Variants in CNTNAP2 observed in about 807,000 individuals in gnomAD.
CNTNAP2 encodes contactin-associated protein-like 2.
In CNTNAP2, 98 loss-of-function variants were observed where a neutral mutation model predicts 155.2. The observed-to-expected ratio is 0.63, with a 90% CI of 0.54 to 0.75. The LOEUF is 0.75. Ranked by LOEUF, CNTNAP2 falls within the 30% of genes least tolerant of loss-of-function variation. CNTNAP2 has a pLI of 0.00. For synonymous variants in CNTNAP2, 651 were observed against 631.2 expected, an observed-to-expected ratio of 1.03 and a Z score of -0.47; for missense variants, 1,727 against 1,688.1, an observed-to-expected ratio of 1.02 and a Z score of -0.40.
At chr7:148,312,490 A>G (rs537689199) in intron 21 of CNTNAP2, among the ~76,000 whole-genome samples, 4 of 152,262 alleles carry the variant, frequency 2.6e-5, no homozygotes, top group African/African-American at 9.6e-5. Context: ...AAGCAAAGAG[A>G]GGCTGGGATG....
At chr7:146,442,363 G>A (rs1386233746) in intron 1 of CNTNAP2, among the ~76,000 whole-genome samples, 1 of 147,314 alleles carries the variant, frequency 6.8e-6, no homozygotes, top group East Asian at 1.9e-4. Flanking sequence ...AATTCTAAAT[G>A]TTATGTGTGT....
chr7:147,777,468 G>A (rs370289148), intron 13 of CNTNAP2, among the ~76,000 whole-genome samples: 1 of 152,142 alleles, frequency 6.6e-6, no homozygotes. Context: ...GAACGGCCCT[G>A]AAGAGAGCAA....
At chr7:146,823,760 CTAA>C (rs1461112082) in intron 2 of CNTNAP2, among the ~76,000 whole-genome samples, 1 of 151,480 alleles carries the variant, frequency 6.6e-6, no homozygotes, top group Non-Finnish European at 1.5e-5. Flanking sequence ...AATTAGGTTT[CTAA>C]TAATAATTTC....
At chr7:146,411,725 A>T (rs1261826097) in intron 1 of CNTNAP2, among the ~76,000 whole-genome samples, 1 of 152,142 alleles carries the variant, frequency 6.6e-6, no homozygotes, top group African/African-American at 2.4e-5. Flanking sequence ...AAAGGGTGGT[A>T]TAATATAAAG....
At chr7:146,395,444 T>C (rs984535479) in intron 1 of CNTNAP2, among the ~76,000 whole-genome samples, 1 of 133,912 alleles carries the variant, frequency 7.5e-6, no homozygotes, top group Non-Finnish European at 1.6e-5. Flanking sequence ...CACATAATAG[T>C]GCTAAATAGT....
intron 1 of CNTNAP2, among the ~76,000 whole-genome samples, chr7:146,174,261 T>C (rs1798437996): frequency 6.6e-6 from 1 of 151,440 alleles, no homozygotes; most frequent in African/African-American, 2.4e-5. Flanking sequence ...GAATACCGAA[T>C]ACCCATAATA....
At chr7:148,393,493 A>G (rs956450105) in intron 22 of CNTNAP2, among the ~76,000 whole-genome samples, 10 of 152,294 alleles carry the variant, frequency 6.6e-5, no homozygotes, top group Non-Finnish European at 1.2e-4. Context: ...TATTAGTCTT[A>G]CCTATTTTTG....
chr7:146,709,034 T>C (rs1445485438), intron 1 of CNTNAP2, among the ~76,000 whole-genome samples: 1 of 152,204 alleles, frequency 6.6e-6, no homozygotes, highest in Non-Finnish European at 1.5e-5. Context: ...TTATTTTCTA[T>C]ATATGAATGG....
At chr7:146,839,653 G>A in intron 2 of CNTNAP2, 58 bp from the exon 3 acceptor site, 1 of 1,568,092 alleles carries the variant, frequency 6.4e-7, no homozygotes, top group Non-Finnish European at 8.8e-7. Flanking sequence ...TCCATTGTCA[G>A]TTGTACAAGT....
intron 8 of CNTNAP2, among the ~76,000 whole-genome samples, chr7:147,189,976 C>T (rs1334508900): frequency 6.6e-6 from 1 of 152,116 alleles, no homozygotes; most frequent in Non-Finnish European, 1.5e-5. Context: ...CATCTCTTGA[C>T]CTCGTGATCC....
chr7:146,989,828 A>G (rs531798230), intron 3 of CNTNAP2, among the ~76,000 whole-genome samples: 18 of 152,234 alleles, frequency 1.2e-4, no homozygotes. Flanking sequence ...TTCTTAGCTT[A>G]TGATTCAAGA....
Position 146,751,479 on chromosome 7 carries a change from A to G in CNTNAP2, c.98-22792A>G, listed in dbSNP as rs1317564412. The stretch of plus-strand genomic sequence containing the variant: ...CACATTTCTGGGTCTTCCTTTCCTT[A>G]CAGGAATTAAAGTTCTTGACTAAGT... On this transcript the variant is annotated intron_variant, in intron 1 of 23. Transcript: ENST00000361727. Among the ~76,000 whole-genome samples the G allele has an allele frequency of 2.6e-5, 4 of 152,278 alleles. No individual in the cohort carries two copies. The East Asian group carries it at 7.7e-4, about 29-fold the overall frequency.
intron 11 of CNTNAP2, among the ~76,000 whole-genome samples, chr7:147,509,081 G>T (rs1162908332): frequency 6.6e-6 from 1 of 152,118 alleles, no homozygotes; most frequent in East Asian, 1.9e-4. Context: ...GGCATTCTGA[G>T]CATGCTATAA....
chr7:146,722,807 G>A (rs1801361763), intron 1 of CNTNAP2, among the ~76,000 whole-genome samples: 4 of 152,072 alleles, frequency 2.6e-5, no homozygotes, highest in Admixed American at 2.6e-4. Context: ...ACGAGGTCAG[G>A]AGTTCGAGAC....
At chr7:146,611,231 C>A (rs994799256) in intron 1 of CNTNAP2, among the ~76,000 whole-genome samples, 1 of 152,128 alleles carries the variant, frequency 6.6e-6, no homozygotes, top group Admixed American at 6.5e-5. Context: ...GGGCTACAGG[C>A]GAACCCCATT....
intron 21 of CNTNAP2, among the ~76,000 whole-genome samples, chr7:148,330,443 G>A (rs1462434043): frequency 3.3e-5 from 5 of 150,576 alleles, no homozygotes; most frequent in South Asian, 2.1e-4. Flanking sequence ...TGGAGCAGAC[G>A]GGTGGAGCAG....
chr7:147,153,761 T>C (rs1426513869), intron 8 of CNTNAP2, among the ~76,000 whole-genome samples: 4 of 152,182 alleles, frequency 2.6e-5, no homozygotes, highest in Non-Finnish European at 5.9e-5. Flanking sequence ...AACTAAAGTT[T>C]TGAGCATAGA....
At position 148,127,165 on chromosome 7, in the gene CNTNAP2, C is replaced by A. The variant is rs1013003655; in HGVS notation, c.2554+8877C>A. On this transcript the variant is annotated intron_variant, in intron 16 of 23. Transcript: ENST00000361727. ...ACTAAAAATACAAAAATTAGCTGGG[C>A]GTGGTGGCACACCCCTGTGATCCCA... 3.3e-5 allele frequency among the ~76,000 whole-genome samples: 5 copies of A among 152,146 alleles called. No homozygotes were observed. In the East Asian group the frequency reaches 9.7e-4, roughly 29 times the overall value.
At chr7:147,574,346 T>C (rs962598262) in intron 12 of CNTNAP2, among the ~76,000 whole-genome samples, 21 of 152,120 alleles carry the variant, frequency 1.4e-4, no homozygotes, top group African/African-American at 5.1e-4. Flanking sequence ...TGTGTGTTTA[T>C]TATTACGAGT....
Sources: gnomAD v4.1 joint callset for allele counts (sites outside exome capture counted in the v4.1 genomes callset) on GRCh38, gnomAD v4.1.1 for gene constraint, MANE v1.5 for transcripts, NCBI Gene and HGNC (gene_info 2026-07-23, HGNC 2026-07-21) for gene names.